ALK: variants seen among roughly 807,000 people sequenced by gnomAD.
The protein encoded by ALK is ALK tyrosine kinase receptor.
Under a neutral mutation model 163.1 loss-of-function variants are expected in ALK, and 74 were observed. That is an observed-to-expected ratio of 0.45 (90% CI 0.38 to 0.55). The LOEUF (loss-of-function observed/expected upper bound fraction) is 0.55, where lower values mean the gene tolerates loss of function less well. Among genes scored for constraint, ALK ranks in the 20% least tolerant of loss-of-function variants. ALK has a pLI of 0.00. For missense variants in ALK, 2,063 were observed against 2,105.3 expected, an observed-to-expected ratio of 0.98 and a Z score of 0.39; for synonymous variants, 960 against 843.2, an observed-to-expected ratio of 1.14 and a Z score of -2.40.
At chr2:29,738,127 T>C (rs1262503620) in intron 1 of ALK, among the ~76,000 whole-genome samples, 2 of 151,970 alleles carry the variant, frequency 1.3e-5, no homozygotes, top group South Asian at 4.1e-4. Context: ...GATCATGTTA[T>C]ATTATACTCA....
intron 4 of ALK, among the ~76,000 whole-genome samples, chr2:29,478,920 G>A (rs1671592690): frequency 6.6e-6 from 1 of 151,708 alleles, no homozygotes; most frequent in South Asian, 2.1e-4. Context: ...AGACTGACTA[G>A]CTTCAGGAAC....
intron 5 of ALK, among the ~76,000 whole-genome samples, chr2:29,382,400 G>C (rs1668922329): frequency 6.6e-6 from 1 of 152,160 alleles, no homozygotes; most frequent in Non-Finnish European, 1.5e-5. Flanking sequence ...AACATCTATA[G>C]CTTGAGATCC....
intron 3 of ALK, among the ~76,000 whole-genome samples, chr2:29,679,210 C>A (rs915707407): frequency 6.6e-6 from 1 of 151,828 alleles, no homozygotes; most frequent in African/African-American, 2.4e-5. Flanking sequence ...TGTGATATCT[C>A]TTTTCCAATC....
At chr2:29,496,283 A>C (rs570795855) in intron 4 of ALK, among the ~76,000 whole-genome samples, 1 of 152,316 alleles carries the variant, frequency 6.6e-6, no homozygotes, top group South Asian at 2.1e-4. Context: ...CAAAATGTTA[A>C]GGTCTTATAA....
intron 4 of ALK, among the ~76,000 whole-genome samples, chr2:29,510,323 T>C (rs1647088803): frequency 6.6e-6 from 1 of 152,178 alleles, no homozygotes; most frequent in South Asian, 2.1e-4. Context: ...TTTTAAATCA[T>C]AAAAATAATA....
intron 1 of ALK, among the ~76,000 whole-genome samples, chr2:29,903,830 T>C (rs1667474273): frequency 6.6e-6 from 1 of 152,196 alleles, no homozygotes; most frequent in South Asian, 2.1e-4. Context: ...ATTACTGCTT[T>C]ATGAAATTCT....
intron 11 of ALK, among the ~76,000 whole-genome samples, chr2:29,273,925 G>A (rs1229091064): frequency 6.6e-6 from 1 of 152,226 alleles, no homozygotes; most frequent in Non-Finnish European, 1.5e-5. Context: ...CATGAACTGG[G>A]AGGTGAGGGG....
In ALK at chr2:29,192,857, C is replaced by CCATA. The variant is rs1668905186; in HGVS notation, c.*366_*367insTATG. 2.5e-6 allele frequency: 1 copy of CCATA among 397,696 alleles called. No individual in the cohort carries two copies. The highest frequency in any genetic ancestry group is 2.0e-5 in the African/African-American group (1 of 50,104). 24.6% of individuals were successfully genotyped at this position (397,696 alleles called of 1,614,324 possible). A position where few individuals can be genotyped will look rare whatever the true frequency, so the allele number is the denominator to read the frequency against. On this transcript the variant is annotated 3_prime_UTR_variant, in exon 29 of 29. Transcript: ENST00000389048. ...CCACATCAACAAGGCAAGGAAACAT[C>CCATA]TATGACCCCAACTATGAAACATAGA...
intron 3 of ALK, among the ~76,000 whole-genome samples, chr2:29,672,054 C>CG (rs1677707320): frequency 7.0e-6 from 1 of 142,462 alleles, no homozygotes; most frequent in South Asian, 2.2e-4. Flanking sequence ...AGGACATTTT[C>CG]TTTTTTTTTT....
At chr2:29,254,059 C>T (rs1172182132) in intron 11 of ALK, among the ~76,000 whole-genome samples, 4 of 152,110 alleles carry the variant, frequency 2.6e-5, no homozygotes, top group Non-Finnish European at 5.9e-5. Context: ...TCACAAGATC[C>T]GATGGCTTTG....
intron 3 of ALK, among the ~76,000 whole-genome samples, chr2:29,625,171 A>G (rs1676156733): frequency 6.6e-6 from 1 of 152,126 alleles, no homozygotes; most frequent in Non-Finnish European, 1.5e-5. Context: ...GTGCTAAGCA[A>G]TTTCACTATG....
intron 5 of ALK, among the ~76,000 whole-genome samples, chr2:29,350,638 A>G (rs149676671): frequency 2.0e-5 from 3 of 152,310 alleles, no homozygotes; most frequent in Non-Finnish European, 2.9e-5. Flanking sequence ...GTAATGACAG[A>G]GTCCCAAGAA....
chr2:29,845,092 A>C (rs1315229439), intron 1 of ALK, among the ~76,000 whole-genome samples: 1 of 152,022 alleles, frequency 6.6e-6, no homozygotes, highest in Non-Finnish European at 1.5e-5. Context: ...GTCTCCAGGC[A>C]CTCCCTTGTC....
rs532493968 is a variant in ALK, at chr2:29,772,349, A to G, written c.668-54652T>C. ...AAAGATGGTTCATGAAAGGAAAAAT[A>G]AAGGCTTAGTCATGAATATCATTTG... is the stretch of plus-strand genomic sequence containing the variant. On this transcript the variant is annotated intron_variant, in intron 1 of 28. Transcript: ENST00000389048. Among the ~76,000 whole-genome samples the G allele has an allele frequency of 8.5e-5, 13 of 152,378 alleles. No individual in the cohort carries two copies. In the South Asian group the frequency reaches 2.5e-3, roughly 29 times the overall value.
intron 3 of ALK, among the ~76,000 whole-genome samples, chr2:29,532,579 C>G (rs1673150133): frequency 6.6e-6 from 1 of 152,158 alleles, no homozygotes; most frequent in African/African-American, 2.4e-5. Context: ...TTCATTTCAG[C>G]TCTTGAGCCT....
At chr2:29,314,222 G>T (rs10186908) in intron 8 of ALK, among the ~76,000 whole-genome samples, 1,726 of 152,238 alleles carry the variant, frequency 0.011, 35 homozygotes, top group African/African-American at 0.039. Context: ...GGGATGGATG[G>T]CCAAGGTCAA....
rs1260628096 is a variant in ALK at position 29,725,526 on chromosome 2, T to G, written c.668-7829A>C. On this transcript the variant is annotated intron_variant, in intron 1 of 28. Coordinates refer to ENST00000389048, the MANE Select transcript of ALK (RefSeq NM_004304.5). ...CCCTGACCTCCTTAACCACTTAGGA[T>G]AGTGGTGTTGAGGCCATTCAACAAA... Among the ~76,000 whole-genome samples, 6 of 152,326 alleles carry G rather than the reference T, an allele frequency of 3.9e-5. No homozygotes were observed. In the East Asian group the frequency reaches 1.2e-3, roughly 29 times the overall value.
At chr2:29,631,750 T>C (rs1231301336) in intron 3 of ALK, among the ~76,000 whole-genome samples, 1 of 152,256 alleles carries the variant, frequency 6.6e-6, no homozygotes, top group East Asian at 1.9e-4. Context: ...GGCTTGAGAA[T>C]AAAGATTAGG....
At chr2:29,379,216 G>A (rs10186920) in intron 5 of ALK, among the ~76,000 whole-genome samples, 6,560 of 152,262 alleles carry the variant, frequency 0.043, 171 homozygotes, top group African/African-American at 0.053. Context: ...GGGGGCTGAT[G>A]TCTCTCTTGC....
Sources: gnomAD v4.1 joint callset for allele counts (sites outside exome capture counted in the v4.1 genomes callset) on GRCh38, gnomAD v4.1.1 for gene constraint, MANE v1.5 for transcripts, NCBI Gene and HGNC (gene_info 2026-07-23, HGNC 2026-07-21) for gene names.